Variants in RBMS3 observed in about 807,000 individuals in gnomAD.
The protein encoded by RBMS3 is RNA binding motif single stranded interacting protein 3, also known as RNA-binding motif, single-stranded-interacting protein 3.
RBMS3 carries 27 observed loss-of-function variants against 66.8 expected under a neutral mutation model. The observed-to-expected ratio is 0.40, with a 90% CI of 0.30 to 0.56. The LOEUF is 0.56. RBMS3 is among the 20% of genes least tolerant of loss of function. The pLI is 0.40. For synonymous variants in RBMS3, 188 were observed against 183.0 expected, an observed-to-expected ratio of 1.03 and a Z score of -0.22; for missense variants, 513 against 549.5, an observed-to-expected ratio of 0.93 and a Z score of 0.66.
intron 1 of RBMS3, among the ~76,000 whole-genome samples, chr3:29,326,293 A>C (rs12494597): frequency 0.71 from 107,941 of 151,948 alleles, 38,805 homozygotes; most frequent in East Asian, 0.91. Context: ...CTTTCCATAA[A>C]CTCTCTAAAC....
At position 29,513,468 on chromosome 3, in the gene RBMS3, C is replaced by T. The variant is rs138467995; in HGVS notation, c.307+24969C>T. Among the ~76,000 whole-genome samples the T allele has an allele frequency of 4.9e-3, 750 of 152,176 alleles. 7 individuals are homozygous for T. Among genetic ancestry groups the T allele is most frequent in the Middle Eastern group, 0.014 (4 of 294 alleles). ...GGCCCCCACCCAGACTTTATGGGAACTGAGATTAGGAAGTTGTATGGTCAC... is the reference window on the plus strand; with the variant it reads ...GGCCCCCACCCAGACTTTATGGGAATTGAGATTAGGAAGTTGTATGGTCAC... On this transcript the variant is annotated intron_variant, in intron 3 of 14. Coordinates refer to ENST00000383767, the MANE Select transcript of RBMS3 (RefSeq NM_001003793.3).
intron 1 of RBMS3, among the ~76,000 whole-genome samples, chr3:29,344,469 T>A (rs549692868): frequency 6.6e-6 from 1 of 152,316 alleles, no homozygotes; most frequent in South Asian, 2.1e-4. Flanking sequence ...GTTCAGCAGT[T>A]TTGAATCTTC....
chr3:29,990,147 G>A (rs924213723), intron 13 of RBMS3, among the ~76,000 whole-genome samples: 2 of 151,938 alleles, frequency 1.3e-5, no homozygotes, highest in African/African-American at 4.8e-5. Context: ...ATCTATAAAG[G>A]TGGGAGGTTT....
Position 29,868,875 on chromosome 3 carries a change from C to T in RBMS3, c.655C>T (p.Leu219=). The T allele has an allele frequency of 6.2e-7, 1 of 1,600,100 alleles. No homozygotes were observed. Among genetic ancestry groups the T allele is most frequent in the Non-Finnish European group, 8.5e-7 (1 of 1,172,246 alleles). The change falls in exon 7 of 15, where the codon CTG becomes TTG. Residue 219 remains leucine (L), a synonymous_variant. Transcript: ENST00000383767. The part of the protein sequence containing the change: ...PGIPAPSEPL[L]CKFADGGQKK... Reference sequence around the variant, plus strand: ...CTTCCCAGCCCCCAGTGAGCCTTTGCTGTGCAAATTCGCTGATGGAGGACA... The same window carrying T: ...CTTCCCAGCCCCCAGTGAGCCTTTGTTGTGCAAATTCGCTGATGGAGGACA...
chr3:29,792,547 C>T (rs1258706443), intron 6 of RBMS3, among the ~76,000 whole-genome samples: 1 of 152,104 alleles, frequency 6.6e-6, no homozygotes, highest in Non-Finnish European at 1.5e-5. Context: ...AGATCAGAAT[C>T]CCACCTGTAC....
intron 3 of RBMS3, among the ~76,000 whole-genome samples, chr3:29,572,469 A>G (rs9813460): frequency 0.062 from 9,492 of 152,088 alleles, 587 homozygotes; most frequent in East Asian, 0.32. Context: ...GAGGGTTTTT[A>G]TTATGAAGAG....
At chr3:29,555,023 A>G (rs1377273465) in intron 3 of RBMS3, among the ~76,000 whole-genome samples, 3 of 152,214 alleles carry the variant, frequency 2.0e-5, no homozygotes, top group African/African-American at 7.2e-5. Context: ...TTATTAACTT[A>G]TTCTTTTATT....
intron 1 of RBMS3, among the ~76,000 whole-genome samples, chr3:29,377,236 C>T (rs1299179634): frequency 6.6e-6 from 1 of 152,152 alleles, no homozygotes; most frequent in Non-Finnish European, 1.5e-5. Context: ...GCTATAGCAG[C>T]AGAGCCTCTA....
At chr3:29,617,206 A>C (rs533048651) in intron 4 of RBMS3, among the ~76,000 whole-genome samples, 1 of 152,334 alleles carries the variant, frequency 6.6e-6, no homozygotes, top group African/African-American at 2.4e-5. Flanking sequence ...CTTAACGTTG[A>C]CGAGCCTCAG....
intron 4 of RBMS3, among the ~76,000 whole-genome samples, chr3:29,651,682 T>C (rs911894337): frequency 6.6e-6 from 1 of 152,164 alleles, no homozygotes; most frequent in Non-Finnish European, 1.5e-5. Context: ...AATAGAAAAC[T>C]CTTTTCGTTC....
At chr3:29,892,843 GTATTTATT>G (rs371501719) in intron 8 of RBMS3, among the ~76,000 whole-genome samples, 12 of 137,434 alleles carry the variant, frequency 8.7e-5, no homozygotes, top group Non-Finnish European at 1.4e-4. Context: ...ATGTATGTAT[GTATTTATT>G]TATTTATTTA....
intron 3 of RBMS3, among the ~76,000 whole-genome samples, chr3:29,534,832 C>T (rs2045492754): frequency 6.6e-6 from 1 of 151,950 alleles, no homozygotes; most frequent in Non-Finnish European, 1.5e-5. Flanking sequence ...TGTCATCATG[C>T]AAACTTCGTG....
chr3:29,524,151 G>A (rs1342820578), intron 3 of RBMS3, among the ~76,000 whole-genome samples: 1 of 152,028 alleles, frequency 6.6e-6, no homozygotes, highest in African/African-American at 2.4e-5. Flanking sequence ...CTATTACCAT[G>A]TCAAATTTCA....
At chr3:29,564,024 GA>G (rs1288467654) in intron 3 of RBMS3, among the ~76,000 whole-genome samples, 1 of 148,880 alleles carries the variant, frequency 6.7e-6, no homozygotes, top group Non-Finnish European at 1.5e-5. Context: ...AAAAGAAAAA[GA>G]AAAAAGAAGA....
chr3:29,732,759 C>T (rs892922136), intron 4 of RBMS3, among the ~76,000 whole-genome samples: 13 of 151,988 alleles, frequency 8.6e-5, no homozygotes, highest in African/African-American at 3.1e-4. Context: ...TTTTAAATTG[C>T]TGCAGCATAT....
At chr3:29,692,405 C>T (rs1490545144) in intron 4 of RBMS3, among the ~76,000 whole-genome samples, 1 of 151,952 alleles carries the variant, frequency 6.6e-6, no homozygotes, top group Non-Finnish European at 1.5e-5. Flanking sequence ...TTGTTTTGAG[C>T]CCTGTTTATA....
chr3:29,349,419 G>T (rs1381434962), intron 1 of RBMS3, among the ~76,000 whole-genome samples: 1 of 152,146 alleles, frequency 6.6e-6, no homozygotes, highest in African/African-American at 2.4e-5. Flanking sequence ...TTCATCAGTT[G>T]CTTACTTTGT....
At chr3:29,948,297 A>G (rs543027488) in intron 12 of RBMS3, among the ~76,000 whole-genome samples, 1 of 151,894 alleles carries the variant, frequency 6.6e-6, no homozygotes, top group Non-Finnish European at 1.5e-5. Context: ...ACTTTCTCAC[A>G]TTGTTTTTGT....
intron 3 of RBMS3, among the ~76,000 whole-genome samples, chr3:29,499,242 A>G (rs973041854): frequency 5.9e-5 from 9 of 152,136 alleles, no homozygotes; most frequent in Non-Finnish European, 1.0e-4. Flanking sequence ...GGCATGGTCA[A>G]TCATCATTTG....
Sources: allele counts gnomAD v4.1 joint callset (sites outside exome capture counted in the v4.1 genomes callset), GRCh38; gene constraint gnomAD v4.1.1; transcripts MANE v1.5; gene names NCBI Gene and HGNC (gene_info 2026-07-23, HGNC 2026-07-21).